The following CACNA2D2 variants were observed in gnomAD, a reference collection of about 807,000 sequenced individuals.
CACNA2D2 encodes the protein voltage-dependent calcium channel subunit alpha-2/delta-2.
Under a neutral mutation model 166.4 loss-of-function variants are expected in CACNA2D2, and 48 were observed. The observed-to-expected ratio is 0.29, with a 90% CI of 0.23 to 0.37. The LOEUF is 0.37. CACNA2D2 is among the 10% of genes least tolerant of loss of function. The pLI is 1.00. For missense variants in CACNA2D2, 1,122 were observed against 1,433.0 expected (o/e 0.78, Z 3.50); for synonymous variants, 561 against 573.7 (o/e 0.98, Z 0.32).
intron 2 of CACNA2D2, among the ~76,000 whole-genome samples, chr3:50,452,309 A>G (rs946817895): frequency 2.0e-5 from 3 of 152,212 alleles, no homozygotes; most frequent in Admixed American, 2.0e-4. Flanking sequence ...GGTTCCCAAG[A>G]GTACTCTCCA....
chr3:50,375,684 G>A lies in CACNA2D2; in HGVS notation c.1867C>T (p.Arg623Trp), dbSNP rs1704935228. Residue 623 changes from arginine to tryptophan, a missense_variant, in exon 21 of 38, where the codon CGG becomes TGG. Transcript: ENST00000424201. The surrounding 1 kb of genome is among the most constrained non-coding windows in gnomAD (Gnocchi z 4.0). ...CTTATAGGCACCCAGGTGTAGTTCC[G>A]TGTCACCTCATCTATGTACCTCTGG... is the stretch of plus-strand genomic sequence containing the variant. Reference protein sequence around the residue: ...LDERYIDEVTRNYTWVPIRST... With the variant: ...LDERYIDEVTWNYTWVPIRST... The A allele has an allele frequency of 6.2e-7, 1 of 1,612,960 alleles. No individual in the cohort carries two copies. Among genetic ancestry groups the A allele is most frequent in the Admixed American group, 1.7e-5 (1 of 59,960 alleles).
At chr3:50,430,923 G>C (rs192233683) in intron 3 of CACNA2D2, among the ~76,000 whole-genome samples, 2 of 152,272 alleles carry the variant, frequency 1.3e-5, no homozygotes, top group African/African-American at 4.8e-5. Context: ...TGCATTGCAA[G>C]GCCCCTGATC....
At chr3:50,462,775 C>A (rs928818498) in intron 2 of CACNA2D2, among the ~76,000 whole-genome samples, 13 of 152,056 alleles carry the variant, frequency 8.5e-5, no homozygotes, top group African/African-American at 3.1e-4. Context: ...GAGGAGGGGG[C>A]TGCTGTGCTC....
chr3:50,372,030 C>T (rs1326929504), intron 22 of CACNA2D2, among the ~76,000 whole-genome samples: 1 of 151,998 alleles, frequency 6.6e-6, no homozygotes, highest in Non-Finnish European at 1.5e-5. Context: ...CCCCTGCTTC[C>T]AGGTCATGGG....
rs1173484232 is a variant in CACNA2D2, at chr3:50,364,641, G to A, written c.*25C>T. ...GGCGAAGAGGCCGGGTGAGGTGGGA[G>A]TGGAGGTGGGGTGGGGCAGGGTGCT... On this transcript the variant is annotated 3_prime_UTR_variant, in exon 38 of 38. Coordinates refer to ENST00000424201, the MANE Select transcript of CACNA2D2 (RefSeq NM_006030.4). 1.3e-6 allele frequency: 2 copies of A among 1,493,408 alleles called. No homozygotes were observed. The highest frequency in any genetic ancestry group is 8.9e-7 in the Non-Finnish European group (1 of 1,120,446). 92.5% of individuals were successfully genotyped at this position (1,493,408 alleles called of 1,614,324 possible).
At chr3:50,417,988 C>A (rs1439218747) in intron 3 of CACNA2D2, among the ~76,000 whole-genome samples, 1 of 152,100 alleles carries the variant, frequency 6.6e-6, no homozygotes, top group Non-Finnish European at 1.5e-5. Context: ...GGAGGAAGAG[C>A]CACACATCCC....
At chr3:50,443,530 C>G (rs62260816) in intron 2 of CACNA2D2, among the ~76,000 whole-genome samples, 11 of 152,356 alleles carry the variant, frequency 7.2e-5, no homozygotes, top group Admixed American at 6.5e-4. Context: ...CAGTTCCAGG[C>G]CCCCGCTGCC....
chr3:50,490,640 T>G (rs1452895781), intron 1 of CACNA2D2, among the ~76,000 whole-genome samples: 1 of 152,238 alleles, frequency 6.6e-6, no homozygotes, highest in East Asian at 1.9e-4. Context: ...AAGAGGCTGC[T>G]CCATTTTCCA....
In CACNA2D2 at chr3:50,363,955, G is replaced by T. The variant is rs923983451; in HGVS notation, c.*711C>A. ...AACCCTCCCACCAACCCCTCGCCCT[G>T]TGTAAGGCTTTGTAAGCCCCTACAC... On this transcript the variant is annotated 3_prime_UTR_variant, in exon 38 of 38. Transcript: ENST00000424201. 1 of 152,418 alleles carries T rather than the reference G, an allele frequency of 6.6e-6. No homozygotes were observed. Among genetic ancestry groups the T allele is most frequent in the African/African-American group, 2.4e-5 (1 of 41,412 alleles). 9.4% of individuals were successfully genotyped at this position (152,418 alleles called of 1,614,324 possible). A position where few individuals can be genotyped will look rare whatever the true frequency, so the allele number is the denominator to read the frequency against.
intron 3 of CACNA2D2, among the ~76,000 whole-genome samples, chr3:50,414,251 G>A (rs1234365177): frequency 6.6e-6 from 1 of 152,028 alleles, no homozygotes; most frequent in African/African-American, 2.4e-5. Context: ...GAGAGCCACC[G>A]AGCCACATAC....
At chr3:50,425,920 G>A (rs1707787039) in intron 3 of CACNA2D2, among the ~76,000 whole-genome samples, 1 of 152,156 alleles carries the variant, frequency 6.6e-6, no homozygotes, top group South Asian at 2.1e-4. Flanking sequence ...CCTGCACTTG[G>A]AGCCTTCTCT....
chr3:50,383,007 G>A (rs1705407818), intron 6 of CACNA2D2, among the ~76,000 whole-genome samples: 1 of 152,256 alleles, frequency 6.6e-6, no homozygotes, highest in African/African-American at 2.4e-5. Flanking sequence ...CTCAGATCAT[G>A]CTGAGTTGGG....
intron 2 of CACNA2D2, among the ~76,000 whole-genome samples, chr3:50,467,557 A>G (rs1046078520): frequency 1.3e-5 from 2 of 152,190 alleles, no homozygotes; most frequent in African/African-American, 2.4e-5. Flanking sequence ...CCCCACAGGC[A>G]TACGTACACA....
intron 1 of CACNA2D2, among the ~76,000 whole-genome samples, chr3:50,489,055 G>A (rs1698411806): frequency 6.6e-6 from 1 of 152,172 alleles, no homozygotes. Context: ...CCTGAGAACA[G>A]CACCTGACAG....
At chr3:50,469,148 C>A (rs1709957925) in intron 2 of CACNA2D2, among the ~76,000 whole-genome samples, 1 of 152,074 alleles carries the variant, frequency 6.6e-6, no homozygotes, top group Non-Finnish European at 1.5e-5. Flanking sequence ...CTTCTTTAAG[C>A]CCATGAGGCC....
intron 6 of CACNA2D2, among the ~76,000 whole-genome samples, chr3:50,381,903 T>TA (rs903118284): frequency 6.6e-6 from 1 of 150,732 alleles, no homozygotes; most frequent in African/African-American, 2.4e-5. Context: ...CACAACCCCC[T>TA]ACCATCAGTT....
chr3:50,446,185 G>A (rs1708838980), intron 2 of CACNA2D2, among the ~76,000 whole-genome samples: 1 of 152,254 alleles, frequency 6.6e-6, no homozygotes, highest in Non-Finnish European at 1.5e-5. Flanking sequence ...GACTCCAGGT[G>A]TGCCACCTCC....
At chr3:50,454,335 G>A (rs1264613138) in intron 2 of CACNA2D2, among the ~76,000 whole-genome samples, 1 of 152,184 alleles carries the variant, frequency 6.6e-6, no homozygotes, top group Non-Finnish European at 1.5e-5. Context: ...GGAGAAGTTG[G>A]GCGTTGATGG....
rs1441783225 is a variant in CACNA2D2, at chr3:50,503,459, G to A, written c.-36C>T. 2 of 195,620 alleles carry A rather than the reference G, an allele frequency of 1.0e-5. No homozygotes were observed. Among genetic ancestry groups the A allele is most frequent in the East Asian group, 1.3e-4 (1 of 7,784 alleles). 12.1% of individuals were successfully genotyped at this position (195,620 alleles called of 1,614,324 possible). A position where few individuals can be genotyped will look rare whatever the true frequency, so the allele number is the denominator to read the frequency against. On this transcript the variant is annotated 5_prime_UTR_variant, in exon 1 of 38. Transcript: ENST00000424201. ...AAGATGCGGCGCCGCGGGGAGGGGG[G>A]GCAGTGGCGGCGGCGGCGGCGGCGG...
Sources: allele counts gnomAD v4.1 joint callset (sites outside exome capture counted in the v4.1 genomes callset), GRCh38; gene constraint gnomAD v4.1.1; non-coding constraint Gnocchi (gnomAD v3.1); transcripts MANE v1.5; gene names NCBI Gene and HGNC (gene_info 2026-07-23, HGNC 2026-07-21).